The following TTC17 variants were observed in gnomAD, a reference collection of about 807,000 sequenced individuals.
TTC17 encodes the protein tetratricopeptide repeat protein 17.
Under a neutral mutation model 143.8 loss-of-function variants are expected in TTC17, and 58 were observed. The ratio of observed to expected loss-of-function variants is 0.40; its 90% CI spans 0.33 to 0.50. The LOEUF (loss-of-function observed/expected upper bound fraction) is 0.50, where lower values mean the gene tolerates loss of function less well. Ranked by LOEUF, TTC17 falls within the 20% of genes least tolerant of loss-of-function variation. TTC17 has a pLI of 0.49. For synonymous variants in TTC17, 501 were observed against 497.8 expected (o/e 1.01, Z -0.09); for missense variants, 1,273 against 1,392.5 (o/e 0.91, Z 1.37).
Position 43,359,098 on chromosome 11 carries a change from GA to G in TTC17, c.148del (p.Ile50SerfsTer9). ...TTHWVVTEDG[K>X]IQQQVDSPMN... ...CGCACTGGGTCGTCACGGAGGACGG[GA>G]AAATCCAGCAGCAGGTAGCGGCCGG... On this transcript the variant is annotated frameshift_variant, in exon 1 of 24. Coordinates refer to ENST00000039989, the MANE Select transcript of TTC17 (RefSeq NM_018259.6). LOFTEE classifies it high-confidence loss of function. 1 of 1,587,252 alleles carries G rather than the reference GA, an allele frequency of 6.3e-7. No individual in the cohort carries two copies.
intron 16 of TTC17, among the ~76,000 whole-genome samples, chr11:43,425,541 A>G (rs1473764823): frequency 1.3e-5 from 2 of 152,124 alleles, no homozygotes; most frequent in African/African-American, 4.8e-5. Flanking sequence ...TATGATCTCT[A>G]CTCAGTTCCA....
intron 22 of TTC17, chr11:43,490,689 T>C (rs955350037): frequency 6.2e-6 from 1 of 161,342 alleles, no homozygotes; most frequent in South Asian, 2.0e-4. Flanking sequence ...CACATAGAAG[T>C]CAATCTGAAT....
chr11:43,396,668 G>C (rs1481288766), intron 5 of TTC17, 41 bp from the exon 6 acceptor site: 12 of 1,269,652 alleles, frequency 9.5e-6, no homozygotes, highest in Non-Finnish European at 1.2e-5. Flanking sequence ...AAGTTAAACT[G>C]TCTTGAGTCG....
chr11:43,460,386 T>G (rs1056358327), intron 21 of TTC17, among the ~76,000 whole-genome samples: 1 of 152,202 alleles, frequency 6.6e-6, no homozygotes, highest in Non-Finnish European at 1.5e-5. Context: ...ACTTGTTTTG[T>G]CAGTAGATTA....
At chr11:43,490,922 C>T (rs1426829904) in intron 22 of TTC17, 2 of 148,130 alleles carry the variant, frequency 1.4e-5, no homozygotes, top group African/African-American at 2.5e-5. Context: ...TCCAGAAGAC[C>T]GGTTATTGTT....
intron 1 of TTC17, among the ~76,000 whole-genome samples, chr11:43,366,016 C>T (rs1018121150): frequency 4.7e-5 from 7 of 149,094 alleles, no homozygotes; most frequent in Admixed American, 1.3e-4. Flanking sequence ...GAGTCTTGCT[C>T]TGTCGCCAGG....
chr11:43,381,127 ACT>A (rs1310101521), intron 2 of TTC17, among the ~76,000 whole-genome samples: 2 of 151,978 alleles, frequency 1.3e-5, no homozygotes, highest in Non-Finnish European at 2.9e-5. Context: ...AAAAATATTG[ACT>A]CCACCAATTT....
intron 21 of TTC17, among the ~76,000 whole-genome samples, chr11:43,466,139 A>G (rs1436288836): frequency 1.3e-5 from 2 of 152,244 alleles, no homozygotes; most frequent in East Asian, 3.8e-4. Context: ...CATTTCTCCA[A>G]AGATGATATG....
rs1858082651 is a variant in TTC17, at chr11:43,405,593, C to G, written c.1559C>G (p.Pro520Arg). The change falls in exon 12 of 24, where the codon CCA (proline) becomes CGA (arginine). Residue 520 changes from proline (P) to arginine (R), a missense_variant. Physicochemically the swap from Pro to Arg is moderately radical, Grantham distance 103. Transcript: ENST00000039989. ...AGAGTCCCTGTTGGTGGGGAATTGC[C>G]AACGTATTTTCTGCCTCCGGAAAAC... is the stretch of plus-strand genomic sequence containing the variant. ...YPRVPVGGEL[P>R]TYFLPPENKG... 6.2e-7 allele frequency: 1 copy of G among 1,613,870 alleles called. No individual in the cohort carries two copies. Among genetic ancestry groups the G allele is most frequent in the Non-Finnish European group, 8.5e-7 (1 of 1,179,894 alleles).
chr11:43,459,752 A>G (rs1281775084), intron 21 of TTC17, among the ~76,000 whole-genome samples: 1 of 152,250 alleles, frequency 6.6e-6, no homozygotes, highest in Non-Finnish European at 1.5e-5. Flanking sequence ...TGCATTCAGT[A>G]GCAACCATAC....
chr11:43,424,334 T>C (rs1946975065), intron 16 of TTC17, among the ~76,000 whole-genome samples: 1 of 151,664 alleles, frequency 6.6e-6, no homozygotes, highest in Admixed American at 6.6e-5. Flanking sequence ...CCTCAGGTGA[T>C]CCACCTGCCT....
At chr11:43,436,404 C>G (rs1947293999) in intron 16 of TTC17, 1 of 1,204,738 alleles carries the variant, frequency 8.3e-7, no homozygotes, top group Admixed American at 4.1e-5. Context: ...TTAGGCTTTT[C>G]TCTACTTTTA....
intron 1 of TTC17, among the ~76,000 whole-genome samples, chr11:43,370,878 C>A (rs1306989203): frequency 6.6e-6 from 1 of 152,106 alleles, no homozygotes; most frequent in Non-Finnish European, 1.5e-5. Flanking sequence ...ACGATCATGG[C>A]TCGTTGCAGC....
chr11:43,458,206 A>G (rs7111463), intron 21 of TTC17, among the ~76,000 whole-genome samples: 1 of 152,194 alleles, frequency 6.6e-6, no homozygotes, highest in East Asian at 1.9e-4. Flanking sequence ...GGCTACACAC[A>G]CAAGAGCTCT....
intron 1 of TTC17, among the ~76,000 whole-genome samples, chr11:43,362,075 G>A (rs543011535): frequency 5.4e-4 from 82 of 151,038 alleles, no homozygotes; most frequent in African/African-American, 1.9e-3. Flanking sequence ...CCGCCTCCCG[G>A]GTTCAAGTGA....
intron 16 of TTC17, among the ~76,000 whole-genome samples, chr11:43,421,753 G>A (rs995248617): frequency 6.6e-6 from 1 of 150,508 alleles, no homozygotes; most frequent in African/African-American, 2.4e-5. Context: ...ATTGTGGTGA[G>A]TTGTATAATA....
intron 21 of TTC17, among the ~76,000 whole-genome samples, chr11:43,464,155 CT>C: frequency 6.6e-6 from 1 of 151,870 alleles, no homozygotes; most frequent in Non-Finnish European, 1.5e-5. Context: ...TGGTGCACGC[CT>C]GTAATGCCGG....
Position 43,444,110 on chromosome 11 carries a change from C to T in TTC17, c.2566C>T (p.Pro856Ser). ...KKPKGDHKKT[P>S]GKKVETGQIE... is the part of the protein sequence containing the mutation. Reference sequence around the variant, plus strand: ...ACCCAAAGGAGATCATAAGAAAACTCCTGGGAAAAAAGTAGAAACAGGTCA... The same window carrying T: ...ACCCAAAGGAGATCATAAGAAAACTTCTGGGAAAAAAGTAGAAACAGGTCA... The change falls in exon 18 of 24, where the codon CCT becomes TCT. Residue 856 changes from proline (P) to serine (S), a missense_variant. Around this residue, in one of 3 missense-constraint regions of TTC17, gnomAD observed 878 missense variants for 899.8 expected, o/e 0.98. Transcript: ENST00000039989. 6.2e-7 allele frequency: 1 copy of T among 1,613,026 alleles called. No individual in the cohort carries two copies.
chr11:43,455,588 T>C (rs970246685), intron 21 of TTC17, among the ~76,000 whole-genome samples: 3 of 151,996 alleles, frequency 2.0e-5, no homozygotes, highest in Middle Eastern at 3.2e-3. Flanking sequence ...TTCAAATAGG[T>C]TTGAAAACTT....
Sources: gnomAD v4.1 joint callset for allele counts (sites outside exome capture counted in the v4.1 genomes callset) on GRCh38, gnomAD v4.1.1 for gene constraint, gnomAD v4.1.1 regional missense constraint, MANE v1.5 for transcripts, NCBI Gene and HGNC (gene_info 2026-07-23, HGNC 2026-07-21) for gene names.